Variants in CHST9 observed in about 807,000 individuals in gnomAD.
CHST9 encodes GalNAc-4-sulfotransferase 2.
In CHST9, 41 loss-of-function variants were observed where a neutral mutation model predicts 44.4. The ratio of observed to expected loss-of-function variants is 0.92; its 90% CI spans 0.72 to 1.20. CHST9 has a LOEUF of 1.20. CHST9 is among the 50% of genes most tolerant of loss of function. CHST9 has a pLI of 0.00. For synonymous variants in CHST9, 171 were observed against 178.4 expected (o/e 0.96, Z 0.33); for missense variants, 504 against 516.5 (o/e 0.98, Z 0.23).
chr18:26,992,894 C>T (rs1209196625), intron 4 of CHST9, among the ~76,000 whole-genome samples: 1 of 152,218 alleles, frequency 6.6e-6, no homozygotes, highest in African/African-American at 2.4e-5. Context: ...TGTAAATCCA[C>T]TGTGAGTCAA....
At chr18:26,996,530 A>G (rs1339204256) in intron 4 of CHST9, among the ~76,000 whole-genome samples, 1 of 152,190 alleles carries the variant, frequency 6.6e-6, no homozygotes, top group African/African-American at 2.4e-5. Flanking sequence ...TTTTATAATC[A>G]TTGGTTAACA....
chr18:27,077,345 T>G (rs1213368747), intron 2 of CHST9, among the ~76,000 whole-genome samples: 1 of 152,208 alleles, frequency 6.6e-6, no homozygotes, highest in Non-Finnish European at 1.5e-5. Context: ...GACTAAATGT[T>G]TAGACTTTAA....
At chr18:27,114,355 C>T (rs1441272884) in intron 2 of CHST9, among the ~76,000 whole-genome samples, 1 of 152,196 alleles carries the variant, frequency 6.6e-6, no homozygotes, top group African/African-American at 2.4e-5. Context: ...ATTCTATGAA[C>T]TTCCTCAATA....
chr18:27,021,992 G>A (rs2057232272), intron 4 of CHST9, among the ~76,000 whole-genome samples: 1 of 130,090 alleles, frequency 7.7e-6, no homozygotes, highest in Admixed American at 8.3e-5. Flanking sequence ...GCTTGTCCCT[G>A]TTTTATAAAC....
intron 2 of CHST9, among the ~76,000 whole-genome samples, chr18:27,087,990 A>G (rs1326320865): frequency 6.6e-6 from 1 of 152,250 alleles, no homozygotes; most frequent in Non-Finnish European, 1.5e-5. Flanking sequence ...TGACTTGTCA[A>G]AAAGCCAAAC....
chr18:27,183,437 C>A (rs968693924), intron 1 of CHST9, among the ~76,000 whole-genome samples: 3 of 151,980 alleles, frequency 2.0e-5, no homozygotes, highest in African/African-American at 2.4e-5. Flanking sequence ...TATCACCAAG[C>A]CTCTGTATTA....
chr18:27,172,221 T>C (rs1247162863), intron 1 of CHST9, among the ~76,000 whole-genome samples: 2 of 152,146 alleles, frequency 1.3e-5, no homozygotes, highest in Non-Finnish European at 2.9e-5. Context: ...TCAAATTCTG[T>C]ATGGAAGTCC....
At chr18:27,141,321 C>T (rs925331873) in intron 2 of CHST9, among the ~76,000 whole-genome samples, 9 of 151,366 alleles carry the variant, frequency 5.9e-5, no homozygotes, top group Non-Finnish European at 1.0e-4. Context: ...GCTGAGATCG[C>T]GCCACTGCAC....
intron 4 of CHST9, among the ~76,000 whole-genome samples, chr18:26,967,435 T>C (rs1467421109): frequency 6.6e-6 from 1 of 152,202 alleles, no homozygotes; most frequent in South Asian, 2.1e-4. Context: ...CTGTATATTG[T>C]AAACACCTTT....
At chr18:27,007,835 G>T (rs1237008218) in intron 4 of CHST9, among the ~76,000 whole-genome samples, 1 of 152,094 alleles carries the variant, frequency 6.6e-6, no homozygotes, top group Non-Finnish European at 1.5e-5. Context: ...GGTCTGGGGG[G>T]ACAGGAAAGG....
chr18:27,090,222 C>T (rs2058054907), intron 2 of CHST9, among the ~76,000 whole-genome samples: 2 of 152,150 alleles, frequency 1.3e-5, no homozygotes, highest in South Asian at 2.1e-4. Context: ...TTTCATGTGT[C>T]TGTTGGCTGC....
chr18:27,167,549 G>T (rs1360277411), intron 1 of CHST9, among the ~76,000 whole-genome samples: 1 of 152,198 alleles, frequency 6.6e-6, no homozygotes, highest in Non-Finnish European at 1.5e-5. Flanking sequence ...CAATACTTTA[G>T]TTGTCATTCA....
intron 2 of CHST9, among the ~76,000 whole-genome samples, chr18:27,125,493 T>G (rs2058412426): frequency 6.6e-6 from 1 of 152,222 alleles, no homozygotes; most frequent in Non-Finnish European, 1.5e-5. Context: ...CTGGGGAGTT[T>G]CCTTCTGTAT....
chr18:27,011,396 G>A (rs1299239791), intron 4 of CHST9, among the ~76,000 whole-genome samples: 1 of 152,104 alleles, frequency 6.6e-6, no homozygotes, highest in East Asian at 1.9e-4. Flanking sequence ...GTGAGCGGAA[G>A]GTAAGGGATG....
chr18:27,133,778 G>C (rs1447024624), intron 2 of CHST9, among the ~76,000 whole-genome samples: 1 of 152,252 alleles, frequency 6.6e-6, no homozygotes, highest in East Asian at 1.9e-4. Context: ...GCTGTACCCT[G>C]AAGGATTCAG....
chr18:27,038,773 T>C (rs895986386), intron 3 of CHST9, among the ~76,000 whole-genome samples: 3 of 152,218 alleles, frequency 2.0e-5, no homozygotes, highest in Non-Finnish European at 2.9e-5. Context: ...GATTGCATCA[T>C]GTAATCTACT....
intron 1 of CHST9, among the ~76,000 whole-genome samples, chr18:27,149,784 TTATC>T (rs1183135921): frequency 5.3e-5 from 8 of 152,124 alleles, no homozygotes; most frequent in South Asian, 2.1e-4. Flanking sequence ...TTCTCTGTCT[TTATC>T]TATATCTTAG....
chr18:27,124,732 C>A (rs9960062), intron 2 of CHST9, among the ~76,000 whole-genome samples: 49,789 of 152,016 alleles, frequency 0.33, 8,458 homozygotes, highest in East Asian at 0.49. Context: ...GAGTCTCTAC[C>A]TAATTTTCTG....
intron 4 of CHST9, among the ~76,000 whole-genome samples, chr18:26,959,979 G>A (rs1598595865): frequency 6.6e-6 from 1 of 152,298 alleles, no homozygotes; most frequent in East Asian, 1.9e-4. Flanking sequence ...AGGAATAAAA[G>A]AGGAGCAAGA....
Sources: allele counts gnomAD v4.1 joint callset (sites outside exome capture counted in the v4.1 genomes callset), GRCh38; gene constraint gnomAD v4.1.1; transcripts MANE v1.5; gene names NCBI Gene and HGNC (gene_info 2026-07-23, HGNC 2026-07-21).